SMYD3: variants seen among roughly 807,000 people sequenced by gnomAD.
SMYD3 encodes histone-lysine N-methyltransferase SMYD3.
SMYD3 carries 36 observed loss-of-function variants against 57.7 expected under a neutral mutation model. The observed-to-expected ratio is 0.62, with a 90% CI of 0.48 to 0.82. The LOEUF is 0.82. SMYD3 is among the 40% of genes least tolerant of loss of function. The pLI, the probability that SMYD3 is intolerant of heterozygous loss-of-function variation, is 0.00. For synonymous variants in SMYD3, 211 were observed against 195.0 expected (o/e 1.08, Z -0.68); for missense variants, 515 against 538.8 (o/e 0.96, Z 0.44).
chr1:246,068,139 T>G (rs570782146), intron 5 of SMYD3, among the ~76,000 whole-genome samples: 1 of 152,256 alleles, frequency 6.6e-6, no homozygotes, highest in African/African-American at 2.4e-5. Flanking sequence ...TCTGGAGGTA[T>G]GTTTGGAGGA....
chr1:246,191,566 G>C (rs1399655839), intron 5 of SMYD3, among the ~76,000 whole-genome samples: 1 of 152,094 alleles, frequency 6.6e-6, no homozygotes, highest in Non-Finnish European at 1.5e-5. Context: ...CACATGAATA[G>C]CTCTTAAAAG....
intron 5 of SMYD3, among the ~76,000 whole-genome samples, chr1:245,980,002 T>C (rs2148065511): frequency 6.6e-6 from 1 of 152,384 alleles, no homozygotes; most frequent in East Asian, 1.9e-4. Flanking sequence ...ACGCTAGCCC[T>C]GCCACTCGCC....
rs542309706 is a variant in SMYD3, at chr1:245,957,862, G to A, written c.532-27925C>T. Among the ~76,000 whole-genome samples, 937 of 152,252 alleles carry A rather than the reference G, an allele frequency of 6.2e-3. 7 individuals carry two copies. The highest frequency in any genetic ancestry group is 0.01 in the Non-Finnish European group (689 of 68,030). ...TATCAAGCCATAAAAAGTAATAAGG[G>A]AAACCTTTACTTTGGGCTTACCTTC... On this transcript the variant is annotated intron_variant, in intron 5 of 11. Transcript: ENST00000490107.
At chr1:246,378,384 C>T (rs952016927) in intron 1 of SMYD3, among the ~76,000 whole-genome samples, 1 of 151,792 alleles carries the variant, frequency 6.6e-6, no homozygotes, top group African/African-American at 2.4e-5. Flanking sequence ...GCAGACCCAC[C>T]CTTAATCTGG....
chr1:246,281,795 G>A (rs1475996364), intron 5 of SMYD3, among the ~76,000 whole-genome samples: 4 of 152,168 alleles, frequency 2.6e-5, no homozygotes, highest in African/African-American at 9.7e-5. Flanking sequence ...ACACCCATAC[G>A]TGACTATGGA....
chr1:246,062,221 G>A (rs1443174329), intron 5 of SMYD3, among the ~76,000 whole-genome samples: 1 of 151,860 alleles, frequency 6.6e-6, no homozygotes, highest in African/African-American at 2.4e-5. Context: ...TCCTGAGTGG[G>A]GAGAAAAAAA....
At chr1:246,118,730 A>ATT (rs34976717) in intron 5 of SMYD3, among the ~76,000 whole-genome samples, 21,506 of 150,296 alleles carry the variant, frequency 0.14, 2,015 homozygotes, top group African/African-American at 0.26. Context: ...GAGACTCCCA[A>ATT]TTTTTTTTTA....
rs76236612 is a variant in SMYD3 at position 245,751,648 on chromosome 1, G to A, written c.1186-1984C>T. ...AGAGAGAGAGAGAGAAAGGGCCAGC[G>A]CCTCAGACCCTGGCCTCTCAGCCTG... On this transcript the variant is annotated intron_variant, in intron 11 of 11. Transcript: ENST00000490107. Among the ~76,000 whole-genome samples the A allele has an allele frequency of 3.9e-5, 6 of 152,148 alleles. No individual in the cohort carries two copies. In the East Asian group the frequency reaches 9.7e-4, roughly 25 times the overall value.
At chr1:246,461,702 C>A (rs2067800158) in intron 1 of SMYD3, among the ~76,000 whole-genome samples, 1 of 147,496 alleles carries the variant, frequency 6.8e-6, no homozygotes, top group Non-Finnish European at 1.5e-5. Flanking sequence ...CCACTGCACT[C>A]CAGCCTGGGC....
At position 246,355,326 on chromosome 1, in the gene SMYD3, A is replaced by T; in HGVS notation, c.165-232T>A. The T allele has an allele frequency of 2.0e-6, 1 of 504,306 alleles. No individual in the cohort carries two copies. Among genetic ancestry groups the T allele is most frequent in the South Asian group, 2.3e-5 (1 of 44,240 alleles). 31.2% of individuals were successfully genotyped at this position (504,306 alleles called of 1,614,324 possible). A position where few individuals can be genotyped will look rare whatever the true frequency, so the allele number is the denominator to read the frequency against. Reference sequence around the variant, plus strand: ...TGTCTGACAGAAGATGGCGGGGAAGAGGCAGGACCAGCTTGCAGCTCCCGA... The same window carrying T: ...TGTCTGACAGAAGATGGCGGGGAAGTGGCAGGACCAGCTTGCAGCTCCCGA... On this transcript the variant is annotated intron_variant, in intron 1 of 11. Transcript: ENST00000490107. The surrounding 1 kb of genome is among the most constrained non-coding windows in gnomAD (Gnocchi z 5.0).
At chr1:246,185,959 T>C (rs1011845077) in intron 5 of SMYD3, among the ~76,000 whole-genome samples, 2 of 152,178 alleles carry the variant, frequency 1.3e-5, no homozygotes, top group African/African-American at 2.4e-5. Context: ...GAATATTAAA[T>C]TGTAGAATAA....
chr1:246,323,090 C>T (rs527434067), intron 5 of SMYD3, among the ~76,000 whole-genome samples: 5 of 152,328 alleles, frequency 3.3e-5, no homozygotes, highest in African/African-American at 9.6e-5. Context: ...TTGAAATTTA[C>T]GTCAGTTTCC....
intron 5 of SMYD3, among the ~76,000 whole-genome samples, chr1:245,949,461 GA>G (rs1310691810): frequency 6.6e-6 from 1 of 151,934 alleles, no homozygotes; most frequent in Non-Finnish European, 1.5e-5. Context: ...AAAAGAAAAA[GA>G]AAAAAAATCA....
intron 5 of SMYD3, among the ~76,000 whole-genome samples, chr1:246,015,824 A>G (rs890959726): frequency 6.6e-6 from 1 of 152,344 alleles, no homozygotes; most frequent in East Asian, 1.9e-4. Context: ...AGATCCATAC[A>G]TCTGTTGATA....
At chr1:246,152,398 C>T (rs906500081) in intron 5 of SMYD3, among the ~76,000 whole-genome samples, 1 of 152,182 alleles carries the variant, frequency 6.6e-6, no homozygotes, top group Non-Finnish European at 1.5e-5. Flanking sequence ...CATGGAAGTA[C>T]CATGTTGTTG....
intron 5 of SMYD3, among the ~76,000 whole-genome samples, chr1:245,987,947 C>T (rs2058735363): frequency 1.3e-5 from 2 of 152,226 alleles, no homozygotes; most frequent in African/African-American, 4.8e-5. Flanking sequence ...CTCACAGACT[C>T]TGCTTCAGCT....
chr1:245,989,313 GC>G (rs34949888), intron 5 of SMYD3, among the ~76,000 whole-genome samples: 117,640 of 151,964 alleles, frequency 0.77, 48,354 homozygotes, highest in Non-Finnish European at 0.89. Context: ...ATCTTCCTGT[GC>G]ACTCCCCCAG....
At chr1:245,837,994 C>G (rs1308900341) in intron 10 of SMYD3, among the ~76,000 whole-genome samples, 1 of 152,216 alleles carries the variant, frequency 6.6e-6, no homozygotes, top group Non-Finnish European at 1.5e-5. Flanking sequence ...CAGGGAGTAT[C>G]ATCGAATTAG....
At chr1:246,063,717 G>C (rs2060293495) in intron 5 of SMYD3, among the ~76,000 whole-genome samples, 1 of 151,436 alleles carries the variant, frequency 6.6e-6, no homozygotes, top group Non-Finnish European at 1.5e-5. Flanking sequence ...TCAGCTCACT[G>C]CAAGTTCCAC....
Sources: allele counts gnomAD v4.1 joint callset (sites outside exome capture counted in the v4.1 genomes callset), GRCh38; gene constraint gnomAD v4.1.1; non-coding constraint Gnocchi (gnomAD v3.1); transcripts MANE v1.5; gene names NCBI Gene and HGNC (gene_info 2026-07-23, HGNC 2026-07-21).